The following ALOXE3 variants were observed in gnomAD, a reference collection of about 807,000 sequenced individuals.
ALOXE3 encodes the protein arachidonate epidermal lipoxygenase 3, also known as hydroperoxide isomerase ALOXE3.
In ALOXE3, 78 loss-of-function variants were observed where a neutral mutation model predicts 87.5. The ratio of observed to expected loss-of-function variants is 0.89; its 90% CI spans 0.74 to 1.08. The LOEUF (loss-of-function observed/expected upper bound fraction) is 1.08, where lower values mean the gene tolerates loss of function less well. Among genes scored for constraint, ALOXE3 ranks in the 50% least tolerant of loss-of-function variants. ALOXE3 has a pLI of 0.00. For missense variants in ALOXE3, 946 were observed against 912.4 expected, an observed-to-expected ratio of 1.04 and a Z score of -0.47; for synonymous variants, 363 against 370.8, an observed-to-expected ratio of 0.98 and a Z score of 0.24.
Position 8,109,937 on chromosome 17 carries a change from G to A in ALOXE3, c.1371C>T (p.Asn457=). The change falls in exon 11 of 16, where the codon AAC becomes AAT. Residue 457 remains asparagine (N), a synonymous_variant. Transcript: ENST00000448843. ...GCACCTGGTCCACGAGGCCCTCGGGGTTGAGCAGCGTGGCCCTCGCGATGG... is the reference window on the plus strand; with the variant it reads ...GCACCTGGTCCACGAGGCCCTCGGGATTGAGCAGCGTGGCCCTCGCGATGG... ...VNTIARATLL[N]PEGLVDQVTS... is the part of the protein sequence containing the mutation. The A allele has an allele frequency of 1.3e-6, 2 of 1,551,074 alleles. No individual in the cohort carries two copies. Among genetic ancestry groups the A allele is most frequent in the Non-Finnish European group, 1.7e-6 (2 of 1,146,748 alleles).
chr17:8,110,064 C>T, intron 10 of ALOXE3, 28 bp downstream of exon 10: 2 of 1,594,772 alleles, frequency 1.3e-6, no homozygotes, highest in South Asian at 1.1e-5. Context: ...GCCCCTGCCC[C>T]GCTGGGCCCC....
intron 6 of ALOXE3, among the ~76,000 whole-genome samples, chr17:8,113,900 C>T (rs1980329967): frequency 6.6e-6 from 1 of 151,836 alleles, no homozygotes; most frequent in Non-Finnish European, 1.5e-5. Context: ...TGGCACCTGC[C>T]TGTAGTCCCA....
rs868428910 is a variant in ALOXE3 at position 8,109,994 on chromosome 17, G to A, written c.1314C>T (p.Leu438=). The change falls in exon 11 of 16, where the codon CTC becomes CTT. Residue 438 remains leucine (L), a synonymous_variant. Transcript: ENST00000448843. ...PLCHPIYKLL[L]PHTRYTLQVN... ...CCTGCAGCGTGTATCGAGTGTGGGG[G>A]AGTAGGAGCTGCGAGCGGAGCGGAT... 8 of 1,554,430 alleles carry A rather than the reference G, an allele frequency of 5.1e-6. No individual in the cohort carries two copies. Among genetic ancestry groups the A allele is most frequent in the South Asian group, 2.4e-5 (2 of 84,430 alleles).
rs1194542142 is a variant in ALOXE3 at position 8,117,892 on chromosome 17, G to A, written c.99C>T (p.Ser33=). 1.2e-6 allele frequency: 2 copies of A among 1,611,926 alleles called. No homozygotes were observed. Among genetic ancestry groups the A allele is most frequent in the Admixed American group, 3.3e-5 (2 of 59,868 alleles). The change falls in exon 2 of 16, where the codon AGC becomes AGT. Residue 33 remains serine (S), a synonymous_variant. Transcript: ENST00000448843. ...CCATTCGATCTAGCCGCTGCTTGGGGCTTTCACCACACGTGCCCACCAGTG... is the reference window on the plus strand; with the variant it reads ...CCATTCGATCTAGCCGCTGCTTGGGACTTTCACCACACGTGCCCACCAGTG... The part of the protein sequence containing the change: ...SVTLVGTCGE[S]PKQRLDRMGR...
rs1467843054 is a variant in ALOXE3, at chr17:8,096,108, C to G, written c.*519G>C. ...GCTGCCCTCCAATTCTTCCCCTCCC[C>G]TTAAAGGTGCTAGGGACAAAGGGGA... On this transcript the variant is annotated 3_prime_UTR_variant, in exon 16 of 16. Coordinates refer to ENST00000448843, the MANE Select transcript of ALOXE3 (RefSeq NM_021628.3). 1 of 156,416 alleles carries G rather than the reference C, an allele frequency of 6.4e-6. No individual in the cohort carries two copies. Among genetic ancestry groups the G allele is most frequent in the Non-Finnish European group, 1.4e-5 (1 of 70,564 alleles). The allele number at this position is 156,416 out of a possible 1,614,324, so 9.7% of individuals were successfully genotyped here.
intron 15 of ALOXE3, 101 bp from the exon 16 acceptor site, chr17:8,096,907 T>C: frequency 7.4e-7 from 1 of 1,353,572 alleles, no homozygotes; most frequent in Non-Finnish European, 1.0e-6. Flanking sequence ...TGGCTTCTAG[T>C]AGCACAACCC....
intron 10 of ALOXE3, 43 bp downstream of exon 10, chr17:8,110,049 G>T (rs1173866933): frequency 1.9e-6 from 3 of 1,579,904 alleles, no homozygotes; most frequent in Non-Finnish European, 2.6e-6. Flanking sequence ...GGACAAGGCC[G>T]CCCGGCCCCT....
Position 8,111,457 on chromosome 17 carries a change from G to A in ALOXE3, c.859C>T (p.Leu287Phe). Residue 287 changes from leucine to phenylalanine, a missense_variant, in exon 8 of 16, where the codon CTC becomes TTC. Transcript: ENST00000448843. ...QYLNGVNPVM[L>F]HCISSLPSKL... ...CTGGGCAAGCTAGAGATGCAGTGGA[G>A]CATGACGGGATTGACACCATTCAGG... 6.2e-7 allele frequency: 1 copy of A among 1,614,196 alleles called. No individual in the cohort carries two copies. Among genetic ancestry groups the A allele is most frequent in the Non-Finnish European group, 8.5e-7 (1 of 1,180,044 alleles).
At chr17:8,102,705 G>A (rs188998628) in intron 15 of ALOXE3, among the ~76,000 whole-genome samples, 64 of 152,264 alleles carry the variant, frequency 4.2e-4, no homozygotes, top group African/African-American at 1.4e-3. Flanking sequence ...TTGTCCTGCA[G>A]ATTTCAACTT....
chr17:8,104,654 G>A (rs1308570765), intron 13 of ALOXE3, among the ~76,000 whole-genome samples: 1 of 152,210 alleles, frequency 6.6e-6, no homozygotes, highest in Non-Finnish European at 1.5e-5. Flanking sequence ...AAAGCTCACA[G>A]TAACAGAAGC....
chr17:8,116,595 G>A (rs3027225), intron 3 of ALOXE3, among the ~76,000 whole-genome samples, 181 bp downstream of exon 3: 233 of 152,268 alleles, frequency 1.5e-3, no homozygotes, highest in African/African-American at 5.1e-3. Flanking sequence ...AGTCAATACC[G>A]TCTGCAAAAC....
intron 4 of ALOXE3, 116 bp from the exon 5 acceptor site, chr17:8,115,173 T>G: frequency 7.2e-7 from 1 of 1,398,278 alleles, no homozygotes; most frequent in Non-Finnish European, 1.0e-6. Flanking sequence ...TCTGGATGAG[T>G]GACAAGGAAT....
chr17:8,097,254 C>T (rs1978602196), intron 15 of ALOXE3, among the ~76,000 whole-genome samples: 1 of 152,094 alleles, frequency 6.6e-6, no homozygotes, highest in African/African-American at 2.4e-5. Flanking sequence ...CTTGGCCTCC[C>T]AAAGCACTAG....
intron 6 of ALOXE3, among the ~76,000 whole-genome samples, chr17:8,113,896 C>G (rs536778530): frequency 1.3e-5 from 2 of 151,024 alleles, no homozygotes; most frequent in Non-Finnish European, 1.5e-5. Flanking sequence ...ATGGTGGCAC[C>G]TGCCTGTAGT....
chr17:8,117,934 C>T lies in ALOXE3; in HGVS notation c.57G>A (p.Leu19=), dbSNP rs536710075. ...TTGPYLRAGT[L]DNISVTLVGT... is the part of the protein sequence containing the mutation. ...CCACCAGTGTGACAGAGATGTTGTC[C>T]AGTGTGCCGGCCCTCAGGTAGGGAC... Residue 19 remains leucine, a synonymous_variant, in exon 2 of 16, where the codon CTG becomes CTA. Transcript: ENST00000448843. The T allele has an allele frequency of 1.9e-6, 3 of 1,612,210 alleles. No individual in the cohort carries two copies. The Admixed American group carries it at 5.0e-5, about 27-fold the overall frequency.
At chr17:8,099,893 G>T (rs1318495852) in intron 15 of ALOXE3, among the ~76,000 whole-genome samples, 3 of 151,956 alleles carry the variant, frequency 2.0e-5, no homozygotes, top group Non-Finnish European at 4.4e-5. Context: ...AATATAACAA[G>T]ACCCTGTCTC....
chr17:8,112,809 G>A (rs1036097904), intron 6 of ALOXE3, among the ~76,000 whole-genome samples: 2 of 151,746 alleles, frequency 1.3e-5, no homozygotes, highest in Non-Finnish European at 1.5e-5. Flanking sequence ...TTTAAGATGG[G>A]ATCTCCCTGT....
intron 4 of ALOXE3, 141 bp from the exon 5 acceptor site, chr17:8,115,198 T>C (rs766870436): frequency 8.4e-7 from 1 of 1,196,308 alleles, no homozygotes; most frequent in South Asian, 1.3e-5. Context: ...CATTTCTCCA[T>C]GAAAGCACTG....
intron 3 of ALOXE3, 72 bp from the exon 4 acceptor site, chr17:8,115,760 C>T (rs1329882340): frequency 1.4e-6 from 2 of 1,476,368 alleles, no homozygotes; most frequent in Non-Finnish European, 1.9e-6. Flanking sequence ...CTTGCCTGAA[C>T]CCCCTGACCC....
Sources: gnomAD v4.1 joint callset for allele counts (sites outside exome capture counted in the v4.1 genomes callset) on GRCh38, gnomAD v4.1.1 for gene constraint, MANE v1.5 for transcripts, NCBI Gene and HGNC (gene_info 2026-07-23, HGNC 2026-07-21) for gene names.